Variants in PCDH9 observed in about 807,000 individuals in gnomAD.
PCDH9 encodes the protein protocadherin 9.
A neutral mutation model predicts 70.6 loss-of-function variants in PCDH9; 24 were observed. That is an observed-to-expected ratio of 0.34 (90% CI 0.25 to 0.48). PCDH9 has a LOEUF of 0.48. Among genes scored for constraint, PCDH9 ranks in the 20% least tolerant of loss-of-function variants. PCDH9 has a pLI of 0.99. For missense variants in PCDH9, 1,281 were observed against 1,503.6 expected (o/e 0.85, Z 2.45); for synonymous variants, 562 against 558.5 (o/e 1.01, Z -0.09).
At chr13:66,385,908 C>T (rs189028635) in intron 4 of PCDH9, among the ~76,000 whole-genome samples, 8 of 151,286 alleles carry the variant, frequency 5.3e-5, no homozygotes, top group Non-Finnish European at 1.2e-4. Context: ...TAAAAGCCTT[C>T]GGTGGACAGG....
In PCDH9 at chr13:67,151,712, T is replaced by A. The variant is rs547241630; in HGVS notation, c.3036+73693A>T. Among the ~76,000 whole-genome samples, 296 of 144,138 alleles carry A rather than the reference T, an allele frequency of 2.1e-3. 16 individuals carry two copies. Among genetic ancestry groups the A allele is most frequent in the Non-Finnish European group, 1.7e-3 (111 of 64,132 alleles). 94.6% of individuals were successfully genotyped at this position (144,138 alleles called of 152,430 possible). A position where few individuals can be genotyped will look rare whatever the true frequency, so the allele number is the denominator to read the frequency against. On this transcript the variant is annotated intron_variant, in intron 2 of 4. Transcript: ENST00000377865. Reference sequence around the variant, plus strand: ...GGAAGAAAAAAATTCATCTTTTCAATCTATCAAAACTGAGGCACATAATAA... The same window carrying A: ...GGAAGAAAAAAATTCATCTTTTCAAACTATCAAAACTGAGGCACATAATAA...
intron 2 of PCDH9, among the ~76,000 whole-genome samples, chr13:67,040,749 A>G (rs1336686176): frequency 6.6e-6 from 1 of 152,224 alleles, no homozygotes; most frequent in African/African-American, 2.4e-5. Context: ...TATTAGAAAC[A>G]AAGAAATATT....
Position 66,488,009 on chromosome 13 carries a change from C to A in PCDH9, c.3340+143201G>T, listed in dbSNP as rs571196495. Among the ~76,000 whole-genome samples, 39 of 152,296 alleles carry A rather than the reference C, an allele frequency of 2.6e-4. 1 individual carries two copies. In the South Asian group the frequency reaches 8.1e-3, roughly 32 times the overall value. On this transcript the variant is annotated intron_variant, in intron 4 of 4. Coordinates refer to ENST00000377865, the MANE Select transcript of PCDH9 (RefSeq NM_203487.3). ...AATGGATGAGACATATAGAGTAGAACCACAGCTTTCCTGGTGCCGAACCAT... is the reference window on the plus strand; with the variant it reads ...AATGGATGAGACATATAGAGTAGAAACACAGCTTTCCTGGTGCCGAACCAT...
intron 2 of PCDH9, among the ~76,000 whole-genome samples, chr13:67,040,780 A>T (rs2085098487): frequency 6.6e-6 from 1 of 152,150 alleles, no homozygotes; most frequent in African/African-American, 2.4e-5. Flanking sequence ...TGCTGGTAAA[A>T]TTTTTTGTAA....
At chr13:66,387,543 TA>T (rs35239094) in intron 4 of PCDH9, among the ~76,000 whole-genome samples, 3,791 of 115,430 alleles carry the variant, frequency 0.033, 135 homozygotes, top group African/African-American at 0.1. Context: ...GATCTGGTGG[TA>T]AAAAAAAAAA....
chr13:66,750,293 A>C (rs1292471600), intron 3 of PCDH9, among the ~76,000 whole-genome samples: 3 of 152,186 alleles, frequency 2.0e-5, no homozygotes, highest in Non-Finnish European at 4.4e-5. Context: ...AATATGTGAA[A>C]TAAGTGCACT....
At chr13:66,355,772 T>C (rs879339550) in intron 4 of PCDH9, among the ~76,000 whole-genome samples, 18 of 152,172 alleles carry the variant, frequency 1.2e-4, no homozygotes, top group Non-Finnish European at 1.9e-4. Context: ...AACTTTGTAC[T>C]TCCCCAAGGA....
intron 2 of PCDH9, among the ~76,000 whole-genome samples, chr13:66,918,668 T>C (rs1411022478): frequency 1.4e-4 from 21 of 151,194 alleles, no homozygotes; most frequent in South Asian, 4.1e-4. Flanking sequence ...ATAAATAAAA[T>C]AGACCCACTA....
chr13:66,434,784 A>G (rs1957838138), intron 4 of PCDH9, among the ~76,000 whole-genome samples: 1 of 152,078 alleles, frequency 6.6e-6, no homozygotes, highest in South Asian at 2.1e-4. Flanking sequence ...TCATAAAAAC[A>G]TTGTGAAAAT....
At chr13:66,909,924 C>A (rs2082431592) in intron 2 of PCDH9, among the ~76,000 whole-genome samples, 1 of 152,154 alleles carries the variant, frequency 6.6e-6, no homozygotes, top group South Asian at 2.1e-4. Context: ...CTTTTCAGTT[C>A]TTCTAGGGGC....
At chr13:66,615,348 C>A (rs929013727) in intron 4 of PCDH9, among the ~76,000 whole-genome samples, 7 of 152,018 alleles carry the variant, frequency 4.6e-5, no homozygotes, top group African/African-American at 1.7e-4. Context: ...ATATTTGCTC[C>A]AAAATTGTAT....
At chr13:66,857,719 T>A in intron 3 of PCDH9, among the ~76,000 whole-genome samples, 1 of 152,158 alleles carries the variant, frequency 6.6e-6, no homozygotes. Flanking sequence ...ATGAGTGATT[T>A]CAGACTGGTT....
chr13:67,124,379 A>G (rs542360712), intron 2 of PCDH9, among the ~76,000 whole-genome samples: 1 of 152,322 alleles, frequency 6.6e-6, no homozygotes, highest in South Asian at 2.1e-4. Flanking sequence ...CTTAGTGAAT[A>G]CCCAATATGT....
rs1555262846 is a variant in PCDH9 at position 66,730,876 on chromosome 13, G to GTGTT, written c.3139-99466_3139-99465insAACA. Among the ~76,000 whole-genome samples, 135 of 46,352 alleles carry GTGTT rather than the reference G, an allele frequency of 2.9e-3. 8 individuals carry two copies. The highest frequency in any genetic ancestry group is 0.013 in the South Asian group (9 of 702). 30.4% of individuals were successfully genotyped at this position (46,352 alleles called of 152,430 possible). A position where few individuals can be genotyped will look rare whatever the true frequency, so the allele number is the denominator to read the frequency against. On this transcript the variant is annotated intron_variant, in intron 3 of 4. Transcript: ENST00000377865. ...TGTTTTTGTTTTTTTGTGTGTGTGTGTTTTTTTTTTGTTTGTTTCTTTTTT... is the reference window on the plus strand; with the variant it reads ...TGTTTTTGTTTTTTTGTGTGTGTGTGTGTTTTTTTTTTTTGTTTGTTTCTTTTTT...
chr13:66,634,535 G>A (rs185865571), intron 3 of PCDH9, among the ~76,000 whole-genome samples: 52 of 152,238 alleles, frequency 3.4e-4, no homozygotes, highest in African/African-American at 1.2e-3. Context: ...CAGACCTCAT[G>A]GCTGTTGAAT....
chr13:66,452,034 C>T (rs373926), intron 4 of PCDH9, among the ~76,000 whole-genome samples: 147,118 of 152,272 alleles, frequency 0.97, 71,252 homozygotes, highest in East Asian at 1. Flanking sequence ...TTTTAGGTCT[C>T]CATGACAGTT....
At chr13:66,423,198 G>GA (rs1038106666) in intron 4 of PCDH9, among the ~76,000 whole-genome samples, 2 of 152,038 alleles carry the variant, frequency 1.3e-5, no homozygotes, top group African/African-American at 4.8e-5. Flanking sequence ...CCCAGAACCA[G>GA]ATGAATTCAC....
intron 3 of PCDH9, among the ~76,000 whole-genome samples, chr13:66,749,361 G>T (rs1011485218): frequency 2.6e-5 from 4 of 152,116 alleles, no homozygotes; most frequent in African/African-American, 9.7e-5. Context: ...TGCACCCACC[G>T]CAGGAGGAAT....
At chr13:66,445,502 A>AAT (rs1958059542) in intron 4 of PCDH9, among the ~76,000 whole-genome samples, 1 of 144,998 alleles carries the variant, frequency 6.9e-6, no homozygotes, top group Non-Finnish European at 1.5e-5. Context: ...ACACATATAT[A>AAT]ATATATACAC....
Sources: gnomAD v4.1 joint callset for allele counts (sites outside exome capture counted in the v4.1 genomes callset) on GRCh38, gnomAD v4.1.1 for gene constraint, MANE v1.5 for transcripts, NCBI Gene and HGNC (gene_info 2026-07-23, HGNC 2026-07-21) for gene names.